Variants in PDE4DIP observed in about 807,000 individuals in gnomAD.
The protein encoded by PDE4DIP is phosphodiesterase 4D interacting protein.
PDE4DIP carries 59 observed loss-of-function variants against 221.4 expected under a neutral mutation model. The ratio of observed to expected loss-of-function variants is 0.27; its 90% CI spans 0.22 to 0.33. PDE4DIP has a LOEUF of 0.33. PDE4DIP is among the 10% of genes least tolerant of loss of function. The pLI is 1.00. For synonymous variants in PDE4DIP, 404 were observed against 815.9 expected, an observed-to-expected ratio of 0.50 and a Z score of 8.60; for missense variants, 1,036 against 2,154.2, an observed-to-expected ratio of 0.48 and a Z score of 10.28.
At position 148,837,522 on chromosome 1, in the gene PDE4DIP, A is replaced by G. The variant is rs7522422; in HGVS notation, c.234-25728A>G. 7.4e-4 allele frequency among the ~76,000 whole-genome samples: 93 copies of G among 124,962 alleles called. 13 individuals are homozygous for G. Among genetic ancestry groups the G allele is most frequent in the Middle Eastern group, 3.8e-3 (1 of 264 alleles). 82.0% of individuals were successfully genotyped at this position (124,962 alleles called of 152,430 possible). On this transcript the variant is annotated intron_variant, in intron 1 of 45. Transcript: ENST00000524974. ...GACCAGCTTAGATCCAAGAGAGGGG[A>G]ATTAGATTCTACCTCTGAATAAGAG...
chr1:148,938,865 T>G (rs1193518187), intron 5 of PDE4DIP, among the ~76,000 whole-genome samples: 1 of 149,886 alleles, frequency 6.7e-6, no homozygotes, highest in African/African-American at 2.5e-5. Flanking sequence ...CTCGGCTAAC[T>G]GCAACCTCTG....
chr1:148,999,537 A>G (rs1364108117), intron 23 of PDE4DIP, among the ~76,000 whole-genome samples: 10 of 152,122 alleles, frequency 6.6e-5, no homozygotes, highest in African/African-American at 2.4e-4. Context: ...TATACTACAT[A>G]CTTTGTCAAA....
At chr1:148,877,283 A>T (rs1367208640) in intron 3 of PDE4DIP, among the ~76,000 whole-genome samples, 2 of 149,076 alleles carry the variant, frequency 1.3e-5, no homozygotes, top group Non-Finnish European at 3.0e-5. Context: ...AAATGTCTGG[A>T]AGGATACATA....
Position 148,863,367 on chromosome 1 carries a change from T to G in PDE4DIP, c.289+62T>G, listed in dbSNP as rs1553403503. On this transcript the variant is annotated intron_variant, in intron 2 of 45. Coordinates refer to the PDE4DIP transcript ENST00000524974. ...TGTTTCTTTTGTTTATTCATTTGGT[T>G]TTCTTTTGAGACAGGTTCTCACTCT... 2 of 496,226 alleles carry G rather than the reference T, an allele frequency of 4.0e-6. 1 individual carries two copies. The highest frequency in any genetic ancestry group is 6.5e-5 in the African/African-American group (2 of 30,866). 30.7% of individuals were successfully genotyped at this position (496,226 alleles called of 1,614,324 possible). A position where few individuals can be genotyped will look rare whatever the true frequency, so the allele number is the denominator to read the frequency against.
At chr1:148,922,651 G>T (rs1446452970) in intron 1 of PDE4DIP, among the ~76,000 whole-genome samples, 1 of 146,214 alleles carries the variant, frequency 6.8e-6, no homozygotes, top group Non-Finnish European at 1.5e-5. Context: ...GCAGTGGCGC[G>T]ATCTCAGCGC....
At position 149,031,921 on chromosome 1, in the gene PDE4DIP, GTTTGT is replaced by G. The variant is rs1335825792; in HGVS notation, c.7000-19_7000-15del. The G allele has an allele frequency of 2.5e-6, 4 of 1,597,012 alleles. No individual in the cohort carries two copies. The highest frequency in any genetic ancestry group is 2.2e-5 in the East Asian group (1 of 44,768). On this transcript the variant is annotated intron_variant, in intron 43 of 43. Transcript: ENST00000369354. The stretch of plus-strand genomic sequence containing the variant: ...GGGCCTGGCAATATACACTGATTTG[GTTTGT>G]TTTATGTTTGTCTGCAGGTGAAATC...
chr1:148,843,410 A>G (rs1291449442), intron 1 of PDE4DIP, among the ~76,000 whole-genome samples: 2 of 20,458 alleles, frequency 9.8e-5, no homozygotes, highest in African/African-American at 4.9e-4. Flanking sequence ...GGGCCACCCA[A>G]TGGAGAACAC....
intron 21 of PDE4DIP, chr1:148,989,297 A>AG (rs1460983279): frequency 1.4e-6 from 1 of 728,812 alleles, no homozygotes; most frequent in Non-Finnish European, 1.8e-6. Context: ...TAGCTTAAAA[A>AG]AGAGAGAATG....
chr1:149,017,430 A>T (rs2071040781), intron 33 of PDE4DIP, among the ~76,000 whole-genome samples: 1 of 152,304 alleles, frequency 6.6e-6, no homozygotes, highest in East Asian at 1.9e-4. Context: ...GGAGGTGGCC[A>T]CACCTTTCCA....
intron 9 of PDE4DIP, among the ~76,000 whole-genome samples, chr1:148,964,295 A>G (rs2057729841): frequency 6.6e-6 from 1 of 151,612 alleles, no homozygotes; most frequent in Non-Finnish European, 1.5e-5. Flanking sequence ...TTTAGTAGAG[A>G]CAGGGTTTCT....
At chr1:148,952,407 G>C (rs1365180675) in intron 5 of PDE4DIP, 1 of 1,084,280 alleles carries the variant, frequency 9.2e-7, no homozygotes, top group East Asian at 5.0e-5. Flanking sequence ...CGTCTGCGCG[G>C]CCGGCCGCTG....
At chr1:148,891,920 G>T (rs1273345392) in intron 1 of PDE4DIP, among the ~76,000 whole-genome samples, 21 of 53,878 alleles carry the variant, frequency 3.9e-4, no homozygotes, top group Non-Finnish European at 3.5e-4. Context: ...TATTCACTGT[G>T]CAGAGGGAGG....
chr1:148,982,166 C>T (rs1377345067), intron 21 of PDE4DIP: 1 of 152,176 alleles, frequency 6.6e-6, no homozygotes, highest in Non-Finnish European at 1.5e-5. Flanking sequence ...AAAATTTGTT[C>T]TTTATTGATT....
At chr1:148,937,109 A>G in intron 4 of PDE4DIP, among the ~76,000 whole-genome samples, 1 of 152,348 alleles carries the variant, frequency 6.6e-6, no homozygotes, top group African/African-American at 2.4e-5. Context: ...CAACACCACA[A>G]ACAAGTGAGA....
intron 21 of PDE4DIP, among the ~76,000 whole-genome samples, chr1:148,989,684 T>G (rs764604069): frequency 6.6e-6 from 1 of 152,176 alleles, no homozygotes; most frequent in Non-Finnish European, 1.5e-5. Flanking sequence ...TCTAGCCCCA[T>G]GTTCAAAAGA....
At chr1:148,820,586 A>C (rs1282048982) in intron 1 of PDE4DIP, among the ~76,000 whole-genome samples, 1 of 142,106 alleles carries the variant, frequency 7.0e-6, no homozygotes, top group African/African-American at 2.6e-5. Context: ...AAAAAGAAAG[A>C]AAGTAGTTGT....
At chr1:148,820,884 G>C (rs1294350954) in intron 1 of PDE4DIP, among the ~76,000 whole-genome samples, 1 of 145,600 alleles carries the variant, frequency 6.9e-6, no homozygotes, top group Admixed American at 6.9e-5. Flanking sequence ...GCGGAGTCTC[G>C]CTGTTGCCCA....
intron 20 of PDE4DIP, 52 bp from the exon 24 acceptor site, chr1:148,981,218 C>T (rs1553542513): frequency 3.2e-6 from 5 of 1,575,894 alleles, no homozygotes; most frequent in African/African-American, 1.4e-5. Flanking sequence ...AATGTGGACT[C>T]ACTACAGTTG....
At chr1:148,929,258 A>G (rs2150442747) in exon 2 of PDE4DIP, 3 of 1,612,662 alleles carry the variant, frequency 1.9e-6, no homozygotes, top group Non-Finnish European at 2.5e-6. Flanking sequence ...AAGAAACAGC[A>G]TCTGGATAAA....
Sources: allele counts gnomAD v4.1 joint callset (sites outside exome capture counted in the v4.1 genomes callset), GRCh38; gene constraint gnomAD v4.1.1; transcripts MANE v1.5; gene names NCBI Gene and HGNC (gene_info 2026-07-23, HGNC 2026-07-21).